The following CELSR1 variants were observed in gnomAD, a reference collection of about 807,000 sequenced individuals.
The protein encoded by CELSR1 is adhesion G protein-coupled receptor C1.
A neutral mutation model predicts 249.1 loss-of-function variants in CELSR1; 110 were observed. That is an observed-to-expected ratio of 0.44 (90% confidence interval 0.38 to 0.52). The LOEUF is 0.52. Among genes scored for constraint, CELSR1 ranks in the 20% least tolerant of loss-of-function variants. The pLI is 0.00. For missense variants in CELSR1, 4,109 were observed against 4,296.4 expected, an observed-to-expected ratio of 0.96 and a Z score of 1.22; for synonymous variants, 2,113 against 1,900.0, an observed-to-expected ratio of 1.11 and a Z score of -2.92.
At chr22:46,479,059 C>T (rs567780114) in intron 1 of CELSR1, among the ~76,000 whole-genome samples, 15 of 151,684 alleles carry the variant, frequency 9.9e-5, no homozygotes, top group African/African-American at 3.4e-4. Context: ...ACCTCAATGG[C>T]CAGAGCAGCA....
In CELSR1 at chr22:46,536,591, C is replaced by CGGCGCCGGACT; in HGVS notation, c.579_580insAGTCCGGCGCC (p.Val194SerfsTer54). 8.4e-7 allele frequency: 1 copy of CGGCGCCGGACT among 1,192,820 alleles called. No homozygotes were observed. Among genetic ancestry groups the CGGCGCCGGACT allele is most frequent in the Non-Finnish European group, 1.0e-6 (1 of 965,582 alleles). 73.9% of individuals were successfully genotyped at this position (1,192,820 alleles called of 1,614,324 possible). ...GCCTCCAGCGCCAGTCCCACCCGGACGGCGCCAGCCGCGCGCCGCAGGGCG... is the reference window on the plus strand; with the variant it reads ...GCCTCCAGCGCCAGTCCCACCCGGACGGCGCCGGACTGGCGCCAGCCGCGCGCCGCAGGGCG... On this transcript the variant is annotated frameshift_variant, in exon 1 of 35. Transcript: ENST00000674500. LOFTEE classifies it high-confidence loss of function.
chr22:46,476,945 T>C (rs1267091073), intron 1 of CELSR1, among the ~76,000 whole-genome samples: 1 of 152,222 alleles, frequency 6.6e-6, no homozygotes, highest in Middle Eastern at 3.2e-3. Flanking sequence ...CTCAATTTTT[T>C]TAAAAGGCAA....
At chr22:46,481,278 A>G in intron 1 of CELSR1, 2 of 290,738 alleles carry the variant, frequency 6.9e-6, no homozygotes. Flanking sequence ...AATTCCTTAT[A>G]AAAAATACAT....
intron 2 of CELSR1, among the ~76,000 whole-genome samples, chr22:46,459,630 G>A (rs201133797): frequency 3.9e-5 from 6 of 152,280 alleles, no homozygotes; most frequent in Admixed American, 1.3e-4. Flanking sequence ...GCCGTGGGGC[G>A]GCCCTGTGCA....
chr22:46,520,132 C>G (rs1055762790), intron 1 of CELSR1, among the ~76,000 whole-genome samples: 2 of 152,122 alleles, frequency 1.3e-5, no homozygotes, highest in African/African-American at 4.8e-5. Flanking sequence ...CCTCGGCCTC[C>G]CAAAGTGCTG....
chr22:46,515,099 C>A (rs1024992772), intron 1 of CELSR1, among the ~76,000 whole-genome samples: 1 of 145,924 alleles, frequency 6.9e-6, no homozygotes, highest in Non-Finnish European at 1.5e-5. Flanking sequence ...GCAGCGTGGA[C>A]CCCCCTCAGC....
intron 20 of CELSR1, 146 bp downstream of exon 20, chr22:46,384,397 A>G: frequency 1.1e-6 from 1 of 915,024 alleles, no homozygotes; most frequent in Non-Finnish European, 1.6e-6. Flanking sequence ...ACCTGCTGTC[A>G]CCAACAGGAC....
chr22:46,385,143 G>A (rs2079019042), intron 19 of CELSR1, among the ~76,000 whole-genome samples: 1 of 152,090 alleles, frequency 6.6e-6, no homozygotes, highest in African/African-American at 2.4e-5. Flanking sequence ...CACCCAGGCT[G>A]GAGTGCAGTA....
chr22:46,463,679 C>T (rs1165162762), intron 2 of CELSR1, 28 bp downstream of exon 2: 2 of 1,493,950 alleles, frequency 1.3e-6, no homozygotes, highest in Non-Finnish European at 1.8e-6. Context: ...GACATGTACA[C>T]AAAGCCAGGG....
rs1404646583 is a variant in CELSR1 at position 46,423,163 on chromosome 22, G to A, written c.4611+10230C>T. On this transcript the variant is annotated intron_variant, in intron 5 of 34. Coordinates refer to ENST00000674500, the MANE Select transcript of CELSR1 (RefSeq NM_001378328.1). The surrounding 1 kb of genome is among the most constrained non-coding windows in gnomAD (Gnocchi z 5.6). ...CCCCTGCCACCAAGTGAACGGCCAG[G>A]GTGGCCTGCTGGAAGATGAGAGGCC... is the stretch of plus-strand genomic sequence containing the variant. Among the ~76,000 whole-genome samples the A allele has an allele frequency of 6.6e-6, 1 of 152,212 alleles. No homozygotes were observed. Among genetic ancestry groups the A allele is most frequent in the Non-Finnish European group, 1.5e-5 (1 of 68,042 alleles).
At position 46,423,572 on chromosome 22, in the gene CELSR1, T is replaced by G. The variant is rs1384337252; in HGVS notation, c.4611+9821A>C. ...GTGAGCCGAGATCGCGCCTTTACAC[T>G]CCAGCCTGGGCAACAGGAGCGAAAC... On this transcript the variant is annotated intron_variant, in intron 5 of 34. Coordinates refer to ENST00000674500, the MANE Select transcript of CELSR1 (RefSeq NM_001378328.1). This position sits in a 1 kb window ranked among gnomAD's most constrained non-coding sequence, Gnocchi z 5.6. Among the ~76,000 whole-genome samples the G allele has an allele frequency of 1.6e-5, 2 of 124,806 alleles. No individual in the cohort carries two copies. The highest frequency in any genetic ancestry group is 3.2e-5 in the Non-Finnish European group (2 of 62,460). 81.9% of individuals were successfully genotyped at this position (124,806 alleles called of 152,430 possible).
rs892848633 is a variant in CELSR1, at chr22:46,390,360, CT to C, written c.6345+31del. 1.0e-5 allele frequency: 16 copies of C among 1,554,788 alleles called. No individual in the cohort carries two copies. Among genetic ancestry groups the C allele is most frequent in the Non-Finnish European group, 1.3e-5 (15 of 1,133,154 alleles). ...CGCATACACGAACACACACGTGCCC[CT>C]GCTGAACACACATCCCCGAGGCGCC... On this transcript the variant is annotated intron_variant, in intron 17 of 34. Transcript: ENST00000674500. This position sits in a 1 kb window ranked among gnomAD's most constrained non-coding sequence, Gnocchi z 6.3.
chr22:46,394,554 C>T (rs2079128407), intron 13 of CELSR1, among the ~76,000 whole-genome samples: 1 of 152,246 alleles, frequency 6.6e-6, no homozygotes, highest in Non-Finnish European at 1.5e-5. Context: ...CAATGAACCC[C>T]CACTGCAAGG....
At chr22:46,439,441 G>T in intron 2 of CELSR1, 30 bp from the exon 3 acceptor site, 2 of 1,574,862 alleles carry the variant, frequency 1.3e-6, no homozygotes, top group Non-Finnish European at 1.7e-6. Flanking sequence ...TGCCAGAGAG[G>T]AGGTTACCGA....
chr22:46,391,789 C>T lies in CELSR1; in HGVS notation c.5992G>A (p.Asp1998Asn). The T allele has an allele frequency of 1.2e-6, 2 of 1,612,188 alleles. No individual in the cohort carries two copies. Among genetic ancestry groups the T allele is most frequent in the Non-Finnish European group, 8.5e-7 (1 of 1,179,718 alleles). The change falls in exon 15 of 35, where the codon GAC (aspartate) becomes AAC (asparagine). Residue 1998 changes from aspartate (D) to asparagine (N), a missense_variant. Coordinates refer to ENST00000674500, the MANE Select transcript of CELSR1 (RefSeq NM_001378328.1). The surrounding 1 kb of genome is among the most constrained non-coding windows in gnomAD (Gnocchi z 4.3). ...KENYYKLLAQ[D>N]TCLPCDCFPH... ...AAGCAGTCGCAGGGCAGACAGGTGT[C>T]CTGGGCTAGGAGCTTGTAGTAATTC...
rs557891319 is a variant in CELSR1, at chr22:46,441,555, C to T, written c.4184-2144G>A. Among the ~76,000 whole-genome samples the T allele has an allele frequency of 6.6e-6, 1 of 152,286 alleles. No individual in the cohort carries two copies. Among genetic ancestry groups the T allele is most frequent in the South Asian group, 2.1e-4 (1 of 4,818 alleles). ...AGAGCTCTGGAGGTTGGAAGCCCAA[C>T]ATCACGCTTCCAGCTGAGGTGGCCT... On this transcript the variant is annotated intron_variant, in intron 2 of 34. Transcript: ENST00000674500. The surrounding 1 kb of genome is among the most constrained non-coding windows in gnomAD (Gnocchi z 6.1).
At chr22:46,451,900 G>A (rs1262718831) in intron 2 of CELSR1, among the ~76,000 whole-genome samples, 1 of 152,164 alleles carries the variant, frequency 6.6e-6, no homozygotes, top group East Asian at 1.9e-4. Flanking sequence ...ATGAATTATC[G>A]TAAAATGAGC....
Position 46,536,694 on chromosome 22 carries a change from CGGGCAGCGGCAGGCGGGTAAGG to C in CELSR1, c.455_476del (p.Thr152SerfsTer85). The C allele has an allele frequency of 8.7e-7, 1 of 1,149,100 alleles. No individual in the cohort carries two copies. Among genetic ancestry groups the C allele is most frequent in the Non-Finnish European group, 1.1e-6 (1 of 937,876 alleles). 71.2% of individuals were successfully genotyped at this position (1,149,100 alleles called of 1,614,324 possible). A position where few individuals can be genotyped will look rare whatever the true frequency, so the allele number is the denominator to read the frequency against. ...CGGGACAGCGGGGCCTGGGGCGCGG[CGGGCAGCGGCAGGCGGGTAAGG>C]TGGTCGGAGCTGCGAGCGCCGAATG... On this transcript the variant is annotated frameshift_variant, in exon 1 of 35. Transcript: ENST00000674500. LOFTEE classifies it high-confidence loss of function.
At chr22:46,486,063 A>T (rs1217176751) in intron 1 of CELSR1, among the ~76,000 whole-genome samples, 2 of 148,888 alleles carry the variant, frequency 1.3e-5, no homozygotes, top group Admixed American at 1.4e-4. Context: ...TCAGCCTCCC[A>T]AGTAGCTGGG....
Sources: gnomAD v4.1 joint callset for allele counts (sites outside exome capture counted in the v4.1 genomes callset) on GRCh38, gnomAD v4.1.1 for gene constraint, Gnocchi (gnomAD v3.1) non-coding constraint, MANE v1.5 for transcripts, NCBI Gene and HGNC (gene_info 2026-07-23, HGNC 2026-07-21) for gene names.